DAZAP1: variants seen among roughly 807,000 people sequenced by gnomAD.
The protein encoded by DAZAP1 is DAZ associated protein 1, also known as DAZ-associated protein 1.
DAZAP1 carries 6 observed loss-of-function variants against 60.1 expected under a neutral mutation model. That is an observed-to-expected ratio of 0.10 (90% CI 0.05 to 0.20). DAZAP1 has a LOEUF of 0.20. Among genes scored for constraint, DAZAP1 ranks in the 10% least tolerant of loss-of-function variants. DAZAP1 has a pLI of 1.00. For synonymous variants in DAZAP1, 235 were observed against 215.9 expected (o/e 1.09, Z -0.78); for missense variants, 366 against 560.4 (o/e 0.65, Z 3.50).
intron 8 of DAZAP1, among the ~76,000 whole-genome samples, chr19:1,429,535 A>G (rs924503706): frequency 6.6e-6 from 1 of 152,020 alleles, no homozygotes; most frequent in Non-Finnish European, 1.5e-5. Flanking sequence ...AGGGTTCCAG[A>G]TGTACGTCGT....
chr19:1,425,498 T>TG lies in DAZAP1; in HGVS notation c.464-374dup, dbSNP rs2083284948. 6.6e-6 allele frequency among the ~76,000 whole-genome samples: 1 copy of TG among 152,180 alleles called. No individual in the cohort carries two copies. Among genetic ancestry groups the TG allele is most frequent in the Admixed American group, 6.5e-5 (1 of 15,288 alleles). On this transcript the variant is annotated intron_variant, in intron 6 of 11. Coordinates refer to ENST00000233078, the MANE Select transcript of DAZAP1 (RefSeq NM_018959.4). The surrounding 1 kb of genome is among the most constrained non-coding windows in gnomAD (Gnocchi z 5.4). ...CAAGCACGGGCCTCTGACCCTCCCC[T>TG]GGGGGGCGCTTTGTCTGCCAGTAGC... is the stretch of plus-strand genomic sequence containing the variant.
chr19:1,419,606 A>C (rs1015544742), intron 4 of DAZAP1, among the ~76,000 whole-genome samples: 1 of 152,132 alleles, frequency 6.6e-6, no homozygotes, highest in Non-Finnish European at 1.5e-5. Flanking sequence ...AGTGTCTCTC[A>C]TAGCTGGTTT....
intron 1 of DAZAP1, among the ~76,000 whole-genome samples, chr19:1,411,313 G>T (rs781083859): frequency 1.3e-4 from 20 of 152,320 alleles, no homozygotes; most frequent in Non-Finnish European, 2.4e-4. Context: ...AGCACCTTTG[G>T]CCTCCATTCA....
At position 1,422,223 on chromosome 19, in the gene DAZAP1, C is replaced by T. The variant is rs1046026571; in HGVS notation, c.415-125C>T. 7 of 813,674 alleles carry T rather than the reference C, an allele frequency of 8.6e-6. No individual in the cohort carries two copies. Among genetic ancestry groups the T allele is most frequent in the African/African-American group, 1.7e-5 (1 of 57,918 alleles). 50.4% of individuals were successfully genotyped at this position (813,674 alleles called of 1,614,324 possible). ...CACGGAGCAGCTGTTGCCCGTGCAC[C>T]TCCCCCGCTCAGGGAGGGCGCACCC... On this transcript the variant is annotated intron_variant, in intron 5 of 11. Transcript: ENST00000233078. The surrounding 1 kb of genome is among the most constrained non-coding windows in gnomAD (Gnocchi z 4.5).
rs145976776 is a variant in DAZAP1, at chr19:1,423,131, C to T, written c.463+735C>T. ...CCTGGGTCTGCCCGCCACGTCCGTG[C>T]CGCCCCCGCACCACCGGCCCAGGTC... On this transcript the variant is annotated intron_variant, in intron 6 of 11. Coordinates refer to ENST00000233078, the MANE Select transcript of DAZAP1 (RefSeq NM_018959.4). The surrounding 1 kb of genome is among the most constrained non-coding windows in gnomAD (Gnocchi z 6.8). 6.8e-4 allele frequency among the ~76,000 whole-genome samples: 103 copies of T among 152,330 alleles called. 2 individuals are homozygous for T. In the East Asian group the frequency reaches 0.016, roughly 23 times the overall value.
chr19:1,420,884 C>T (rs1014452519), intron 4 of DAZAP1, among the ~76,000 whole-genome samples: 1 of 152,220 alleles, frequency 6.6e-6, no homozygotes, highest in Non-Finnish European at 1.5e-5. Context: ...TGAGGCAAGG[C>T]ACGCACTGTG....
rs1190398265 is a variant in DAZAP1 at position 1,422,956 on chromosome 19, T to G, written c.463+560T>G. Among the ~76,000 whole-genome samples, 3 of 152,156 alleles carry G rather than the reference T, an allele frequency of 2.0e-5. No individual in the cohort carries two copies. The highest frequency in any genetic ancestry group is 2.9e-5 in the Non-Finnish European group (2 of 68,032). ...CTCCCCTCATTTTCCCTCAGCTTCT[T>G]GCACACCCATCCATGCTGGTTTGTG... On this transcript the variant is annotated intron_variant, in intron 6 of 11. Transcript: ENST00000233078. The surrounding 1 kb of genome is among the most constrained non-coding windows in gnomAD (Gnocchi z 4.5).
At chr19:1,415,506 G>C (rs985080299) in intron 1 of DAZAP1, among the ~76,000 whole-genome samples, 1 of 151,692 alleles carries the variant, frequency 6.6e-6, no homozygotes, top group Non-Finnish European at 1.5e-5. Flanking sequence ...TTCATGGGGT[G>C]GGGGCTGCTG....
Position 1,433,319 on chromosome 19 carries a change from A to C in DAZAP1, c.1048+629A>C, listed in dbSNP as rs1171002203. 4.2e-6 allele frequency: 1 copy of C among 235,406 alleles called. No individual in the cohort carries two copies. The allele number at this position is 235,406 out of a possible 1,614,324, so 14.6% of individuals were successfully genotyped here. A position where few individuals can be genotyped will look rare whatever the true frequency, so the allele number is the denominator to read the frequency against. Reference sequence around the variant, plus strand: ...GCCAGGAGTCACAGCAGCCTTGCTCAGGACCAACGCGGTGGCCTCAGTGGG... The same window carrying C: ...GCCAGGAGTCACAGCAGCCTTGCTCCGGACCAACGCGGTGGCCTCAGTGGG... On this transcript the variant is annotated intron_variant, in intron 11 of 11. Coordinates refer to ENST00000233078, the MANE Select transcript of DAZAP1 (RefSeq NM_018959.4). The surrounding 1 kb of genome is among the most constrained non-coding windows in gnomAD (Gnocchi z 6.1).
At position 1,417,545 on chromosome 19, in the gene DAZAP1, G is replaced by GT; in HGVS notation, c.70+6dup. On this transcript the variant is annotated splice_donor_region_variant and intron_variant, in intron 2 of 11. Transcript: ENST00000233078. ...TTGACTGGAGCACGACCCAAGGTAG[G>GT]TGGGGAAGGGGTGTCAGGTGGGTAC... 6.2e-7 allele frequency: 1 copy of GT among 1,603,894 alleles called. No individual in the cohort carries two copies. Among genetic ancestry groups the GT allele is most frequent in the Non-Finnish European group, 8.5e-7 (1 of 1,175,556 alleles).
chr19:1,417,234 C>T (rs2083012655), intron 1 of DAZAP1: 1 of 520,236 alleles, frequency 1.9e-6, no homozygotes, highest in Non-Finnish European at 3.4e-6. Flanking sequence ...CCCAGGAACT[C>T]ATCGCCCGCC....
intron 8 of DAZAP1, 132 bp from the exon 9 acceptor site, chr19:1,429,835 G>A: frequency 9.0e-7 from 1 of 1,107,496 alleles, no homozygotes; most frequent in East Asian, 2.6e-5. Context: ...CTGCCCTCAG[G>A]ACGAACAGGC....
intron 1 of DAZAP1, among the ~76,000 whole-genome samples, chr19:1,412,841 C>T (rs1401198781): frequency 6.6e-6 from 1 of 152,202 alleles, no homozygotes; most frequent in African/African-American, 2.4e-5. Flanking sequence ...GCTTGCAGAT[C>T]CTGGGAGATG....
chr19:1,409,087 G>C (rs1462558045), intron 1 of DAZAP1, among the ~76,000 whole-genome samples: 1 of 152,202 alleles, frequency 6.6e-6, no homozygotes, highest in Non-Finnish European at 1.5e-5. Flanking sequence ...CAAAACAAAA[G>C]AGCACCTTCC....
intron 10 of DAZAP1, among the ~76,000 whole-genome samples, chr19:1,431,023 A>G (rs1343129186): frequency 2.6e-5 from 4 of 151,214 alleles, no homozygotes; most frequent in Non-Finnish European, 1.5e-5. Flanking sequence ...GCCCAGCCTC[A>G]CAGGCTCTAA....
Position 1,425,629 on chromosome 19 carries a change from G to C in DAZAP1, c.464-249G>C, listed in dbSNP as rs941478112. Among the ~76,000 whole-genome samples the C allele has an allele frequency of 2.0e-5, 3 of 152,232 alleles. No individual in the cohort carries two copies. Among genetic ancestry groups the C allele is most frequent in the Admixed American group, 2.0e-4 (3 of 15,288 alleles). ...GCCCCAGCCCGGGGTGTCTGGGGCGGAGGCTTGACTCAGGCCTCAGTCAGC... is the reference window on the plus strand; with the variant it reads ...GCCCCAGCCCGGGGTGTCTGGGGCGCAGGCTTGACTCAGGCCTCAGTCAGC... On this transcript the variant is annotated intron_variant, in intron 6 of 11. Coordinates refer to ENST00000233078, the MANE Select transcript of DAZAP1 (RefSeq NM_018959.4). This position sits in a 1 kb window ranked among gnomAD's most constrained non-coding sequence, Gnocchi z 5.4.
At chr19:1,409,001 C>T (rs1032706443) in intron 1 of DAZAP1, among the ~76,000 whole-genome samples, 49 of 152,350 alleles carry the variant, frequency 3.2e-4, no homozygotes, top group African/African-American at 1.1e-3. Context: ...GTTGCCTTGG[C>T]AGGCGCCTCT....
rs1029352542 is a variant in DAZAP1 at position 1,425,501 on chromosome 19, G to A, written c.464-377G>A. Among the ~76,000 whole-genome samples the A allele has an allele frequency of 7.9e-5, 12 of 152,208 alleles. No homozygotes were observed. Among genetic ancestry groups the A allele is most frequent in the Admixed American group, 7.8e-4 (12 of 15,288 alleles). On this transcript the variant is annotated intron_variant, in intron 6 of 11. Coordinates refer to ENST00000233078, the MANE Select transcript of DAZAP1 (RefSeq NM_018959.4). This position sits in a 1 kb window ranked among gnomAD's most constrained non-coding sequence, Gnocchi z 5.4. ...GCACGGGCCTCTGACCCTCCCCTGG[G>A]GGGCGCTTTGTCTGCCAGTAGCGAT...
chr19:1,424,669 C>T (rs577095036), intron 6 of DAZAP1, among the ~76,000 whole-genome samples: 3 of 152,164 alleles, frequency 2.0e-5, no homozygotes, highest in Admixed American at 6.5e-5. Context: ...CGCTCGTTCA[C>T]GCCTCACGCC....
Sources: gnomAD v4.1 joint callset for allele counts (sites outside exome capture counted in the v4.1 genomes callset) on GRCh38, gnomAD v4.1.1 for gene constraint, Gnocchi (gnomAD v3.1) non-coding constraint, MANE v1.5 for transcripts, NCBI Gene and HGNC (gene_info 2026-07-23, HGNC 2026-07-21) for gene names.